Variants in NHSL1 observed in about 807,000 individuals in gnomAD.
NHSL1 encodes NHS like 1.
A neutral mutation model predicts 95.0 loss-of-function variants in NHSL1; 48 were observed. That is an observed-to-expected ratio of 0.51 (90% CI 0.40 to 0.64). The LOEUF (loss-of-function observed/expected upper bound fraction) is 0.64. Ranked by LOEUF, NHSL1 falls within the 30% of genes least tolerant of loss-of-function variation. The pLI, the probability that NHSL1 is intolerant of heterozygous loss-of-function variation, is 0.00. For missense variants in NHSL1, 1,971 were observed against 2,077.7 expected (o/e 0.95, Z 1.00); for synonymous variants, 783 against 833.9 (o/e 0.94, Z 1.05).
At chr6:138,569,856 TC>T (rs1783758596) in intron 1 of NHSL1, among the ~76,000 whole-genome samples, 1 of 152,044 alleles carries the variant, frequency 6.6e-6, no homozygotes, top group Admixed American at 6.5e-5. Flanking sequence ...ATGTCAAAAA[TC>T]ATATTATTCA....
At chr6:138,502,898 C>A (rs549214802), upstream of NHSL1, among the ~76,000 whole-genome samples, 26 of 152,256 alleles carry the variant, frequency 1.7e-4, no homozygotes, top group South Asian at 4.2e-4. Flanking sequence ...TGAATAAAAT[C>A]TCAAGAGATA....
At chr6:138,555,442 G>C (rs527864172) in intron 1 of NHSL1, among the ~76,000 whole-genome samples, 9 of 152,140 alleles carry the variant, frequency 5.9e-5, no homozygotes, top group Non-Finnish European at 1.0e-4. Context: ...TATTGCTTTC[G>C]AGGCAGGTGT....
At chr6:138,677,563 T>A (rs1242385113) in intron 1 of NHSL1, among the ~76,000 whole-genome samples, 1 of 152,046 alleles carries the variant, frequency 6.6e-6, no homozygotes, top group African/African-American at 2.4e-5. Context: ...GAAGCGTTAG[T>A]TCTTAAGCCT....
intron 1 of NHSL1, among the ~76,000 whole-genome samples, chr6:138,602,823 G>GT (rs78047474): frequency 0.027 from 4,055 of 152,280 alleles, 170 homozygotes; most frequent in African/African-American, 0.088. Flanking sequence ...ATTGGTAGGT[G>GT]TAAGTGTTTA....
At chr6:138,469,335 T>C (rs1017670597) in intron 3 of NHSL1, among the ~76,000 whole-genome samples, 1 of 152,090 alleles carries the variant, frequency 6.6e-6, no homozygotes, top group Non-Finnish European at 1.5e-5. Context: ...CAGGAAGCGG[T>C]AGAGAAAACA....
intron 2 of NHSL1, among the ~76,000 whole-genome samples, chr6:138,494,506 T>G (rs1780237574): frequency 6.6e-6 from 1 of 152,182 alleles, no homozygotes; most frequent in Non-Finnish European, 1.5e-5. Flanking sequence ...GATAATACAT[T>G]CAGTGGGCTT....
intron 3 of NHSL1, among the ~76,000 whole-genome samples, chr6:138,466,175 G>T (rs1178080407): frequency 6.6e-6 from 1 of 151,918 alleles, no homozygotes; most frequent in Admixed American, 6.6e-5. Flanking sequence ...GAATAGCTGG[G>T]ACTACAGGCA....
chr6:138,504,327 T>A (rs891718478), upstream of NHSL1, among the ~76,000 whole-genome samples: 2 of 152,300 alleles, frequency 1.3e-5, no homozygotes, highest in South Asian at 4.2e-4. Context: ...AACATGATCA[T>A]TGACCTTTGG....
At chr6:138,564,297 T>C (rs1783524453) in intron 1 of NHSL1, among the ~76,000 whole-genome samples, 1 of 151,944 alleles carries the variant, frequency 6.6e-6, no homozygotes, top group South Asian at 2.1e-4. Context: ...TGTTCCCCTT[T>C]GATCCATCCT....
intron 1 of NHSL1, among the ~76,000 whole-genome samples, chr6:138,497,365 G>A (rs138026286): frequency 2.4e-4 from 37 of 152,308 alleles, no homozygotes; most frequent in African/African-American, 8.9e-4. Flanking sequence ...TTTGCTTGAG[G>A]TAGCAAGTCT....
intron 1 of NHSL1, among the ~76,000 whole-genome samples, chr6:138,610,670 A>G (rs1027021018): frequency 6.6e-6 from 1 of 151,960 alleles, no homozygotes; most frequent in Non-Finnish European, 1.5e-5. Flanking sequence ...AGTTCCACCC[A>G]AAGACTCATA....
intron 1 of NHSL1, among the ~76,000 whole-genome samples, chr6:138,638,257 T>C (rs538393477): frequency 7.2e-5 from 11 of 152,198 alleles, no homozygotes; most frequent in African/African-American, 2.6e-4. Context: ...TATAAAAAAA[T>C]AGAAAGAATA....
exon 1 of NHSL1, chr6:138,572,389 A>C (rs1159229492): frequency 6.5e-6 from 1 of 153,868 alleles, no homozygotes; most frequent in Non-Finnish European, 1.4e-5. Context: ...TCCTCACCCT[A>C]GAGAAAAAGA....
intron 1 of NHSL1, among the ~76,000 whole-genome samples, chr6:138,529,838 G>A (rs927521568): frequency 6.6e-6 from 1 of 152,088 alleles, no homozygotes; most frequent in African/African-American, 2.4e-5. Context: ...ATCTCCCTTG[G>A]GTAAGGTCAT....
chr6:138,527,747 A>C (rs993613677), intron 1 of NHSL1, among the ~76,000 whole-genome samples: 5 of 152,218 alleles, frequency 3.3e-5, no homozygotes, highest in African/African-American at 1.2e-4. Context: ...CATGACAGAA[A>C]GAAAAATAGT....
chr6:138,636,158 GA>G (rs1205522745), intron 1 of NHSL1, among the ~76,000 whole-genome samples: 1 of 149,468 alleles, frequency 6.7e-6, no homozygotes, highest in Non-Finnish European at 1.5e-5. Context: ...CAGAATGAAG[GA>G]AAAAAAACAT....
intron 1 of NHSL1, among the ~76,000 whole-genome samples, chr6:138,672,878 A>T (rs2114765709): frequency 6.6e-6 from 1 of 152,220 alleles, no homozygotes; most frequent in Non-Finnish European, 1.5e-5. Flanking sequence ...TTAGCTGGGC[A>T]TGGTGGCACG....
At chr6:138,572,746 C>G (rs946834826), upstream of NHSL1, among the ~76,000 whole-genome samples, 1 of 152,174 alleles carries the variant, frequency 6.6e-6, no homozygotes, top group Non-Finnish European at 1.5e-5. Context: ...GTATGCAAGT[C>G]TGTGCAGAAT....
intron 1 of NHSL1, among the ~76,000 whole-genome samples, chr6:138,656,833 C>G (rs1042696310): frequency 1.3e-5 from 2 of 152,112 alleles, no homozygotes; most frequent in Non-Finnish European, 2.9e-5. Context: ...AAAGGGAAGC[C>G]TAAGTATATC....
Sources: allele counts gnomAD v4.1 joint callset (sites outside exome capture counted in the v4.1 genomes callset), GRCh38; gene constraint gnomAD v4.1.1; transcripts MANE v1.5; gene names NCBI Gene and HGNC (gene_info 2026-07-23, HGNC 2026-07-21).